Variants in HOXB8 observed in about 807,000 individuals in gnomAD.
The protein encoded by HOXB8 is homeobox protein Hox-B8.
A neutral mutation model predicts 22.2 loss-of-function variants in HOXB8; 17 were observed. That is an observed-to-expected ratio of 0.77 (90% CI 0.53 to 1.15). The LOEUF (loss-of-function observed/expected upper bound fraction) is 1.15, where lower values mean the gene tolerates loss of function less well. Among genes scored for constraint, HOXB8 ranks in the 50% most tolerant of loss-of-function variants. HOXB8 has a pLI of 0.00. For missense variants in HOXB8, 287 were observed against 323.8 expected (o/e 0.89, Z 0.87); for synonymous variants, 156 against 144.6 (o/e 1.08, Z -0.57).
In HOXB8 at chr17:48,615,142, T is replaced by C. The variant is rs916668750; in HGVS notation, c.-438A>G. On this transcript the variant is annotated 5_prime_UTR_variant, in exon 1 of 2. Coordinates refer to ENST00000239144, the MANE Select transcript of HOXB8 (RefSeq NM_024016.4). ...GTTGTTTCATATTTTGCACTGTCTT[T>C]TCATGATCATTTGCATCCATTAGAG... Among the ~76,000 whole-genome samples, 6 of 151,822 alleles carry C rather than the reference T, an allele frequency of 4.0e-5. No individual in the cohort carries two copies. The highest frequency in any genetic ancestry group is 7.4e-5 in the Non-Finnish European group (5 of 67,974).
rs2070660945 is a variant in HOXB8, at chr17:48,612,397, C to A, written c.*805G>T. The A allele has an allele frequency of 6.6e-6, 1 of 152,640 alleles. No individual in the cohort carries two copies. The highest frequency in any genetic ancestry group is 2.4e-5 in the African/African-American group (1 of 41,440). The allele number at this position is 152,640 out of a possible 1,614,324, so 9.5% of individuals were successfully genotyped here. ...GTAACTCTTCCGCCCTTTTCAGGCG[C>A]AGACAACAGAACAAAGTATAGAGGA... On this transcript the variant is annotated 3_prime_UTR_variant, in exon 2 of 2. Coordinates refer to ENST00000239144, the MANE Select transcript of HOXB8 (RefSeq NM_024016.4).
rs778737872 is a variant in HOXB8, at chr17:48,614,406, T to G, written c.299A>C (p.Gln100Pro). 1 of 1,613,524 alleles carries G rather than the reference T, an allele frequency of 6.2e-7. No individual in the cohort carries two copies. Among genetic ancestry groups the G allele is most frequent in the African/African-American group, 1.3e-5 (1 of 74,948 alleles). ...PLQRQSLFGA[Q>P]DPDLVQYADC... Reference sequence around the variant, plus strand: ...TGCGTACTGCACCAGGTCTGGATCCTGCGCACCGAATAGGCTCTGGCGTTG... The same window carrying G: ...TGCGTACTGCACCAGGTCTGGATCCGGCGCACCGAATAGGCTCTGGCGTTG... The change falls in exon 1 of 2, where the codon CAG (glutamine) becomes CCG (proline). Residue 100 changes from glutamine (Q) to proline (P), a missense_variant. This residue lies in a region of HOXB8 where 229 missense variants were observed against 239.8 expected (regional missense o/e 0.95). Transcript: ENST00000239144. The surrounding 1 kb of genome is among the most constrained non-coding windows in gnomAD (Gnocchi z 4.1).
At chr17:48,613,738 GC>G (rs908854807) in intron 1 of HOXB8, among the ~76,000 whole-genome samples, 14 of 152,122 alleles carry the variant, frequency 9.2e-5, no homozygotes, top group South Asian at 8.3e-4. Flanking sequence ...AGAAAGGGGA[GC>G]CCCCTCCCCC....
Position 48,614,149 on chromosome 17 carries a change from A to G in HOXB8, c.424+132T>C. On this transcript the variant is annotated intron_variant, in intron 1 of 1. Transcript: ENST00000239144. The surrounding 1 kb of genome is among the most constrained non-coding windows in gnomAD (Gnocchi z 4.1). ...AAGAAGAAAGAAAGATAAGAAAGAA[A>G]GGGGAAAAGCGGCAGGCGATCGGAA... The G allele has an allele frequency of 1.6e-6, 1 of 637,380 alleles. No individual in the cohort carries two copies. 39.5% of individuals were successfully genotyped at this position (637,380 alleles called of 1,614,324 possible). A position where few individuals can be genotyped will look rare whatever the true frequency, so the allele number is the denominator to read the frequency against.
In HOXB8 at chr17:48,614,990, G is replaced by T. The variant is rs963690079; in HGVS notation, c.-286C>A. The T allele has an allele frequency of 1.1e-5, 3 of 270,336 alleles. No individual in the cohort carries two copies. The highest frequency in any genetic ancestry group is 2.7e-5 in the African/African-American group (1 of 37,646). The allele number at this position is 270,336 out of a possible 1,614,324, so 16.7% of individuals were successfully genotyped here. On this transcript the variant is annotated 5_prime_UTR_variant, in exon 1 of 2. Transcript: ENST00000239144. The surrounding 1 kb of genome is among the most constrained non-coding windows in gnomAD (Gnocchi z 4.1). The stretch of plus-strand genomic sequence containing the variant: ...CTTGCATGGCAGCCGCGGCTCGCTC[G>T]CCCTCCCCCCACCCCCCACCCCCCA...
chr17:48,613,373 C>T lies in HOXB8; in HGVS notation c.561G>A (p.Glu187=), dbSNP rs750924593. ...IEVSHALGLT[E]RQVKIWFQNR... is the part of the protein sequence containing the mutation. ...TCTGGAACCAGATTTTGACCTGTCT[C>T]TCTGTCAGTCCCAGGGCGTGCGATA... Residue 187 remains glutamate (E), a synonymous_variant, in exon 2 of 2, where the codon GAG becomes GAA. Transcript: ENST00000239144. 4 of 1,613,964 alleles carry T rather than the reference C, an allele frequency of 2.5e-6. No homozygotes were observed. Among genetic ancestry groups the T allele is most frequent in the Admixed American group, 1.7e-5 (1 of 60,002 alleles).
rs775725748 is a variant in HOXB8, at chr17:48,613,167, C to A, written c.*35G>T. On this transcript the variant is annotated 3_prime_UTR_variant, in exon 2 of 2. Coordinates refer to ENST00000239144, the MANE Select transcript of HOXB8 (RefSeq NM_024016.4). ...GGCGCGGCCGGGACCCGCGGACGTG[C>A]GGGCGGCCGCGGCCCTGGCAGTCCC... The A allele has an allele frequency of 2.6e-5, 35 of 1,345,144 alleles. No individual in the cohort carries two copies. In the Admixed American group the frequency reaches 7.5e-4, roughly 29 times the overall value. The allele number at this position is 1,345,144 out of a possible 1,614,324, so 83.3% of individuals were successfully genotyped here. A position where few individuals can be genotyped will look rare whatever the true frequency, so the allele number is the denominator to read the frequency against.
intron 1 of HOXB8, 138 bp from the exon 2 acceptor site, chr17:48,613,647 G>A (rs1407667191): frequency 4.9e-6 from 3 of 606,306 alleles, no homozygotes; most frequent in Non-Finnish European, 8.0e-6. Flanking sequence ...CCCGTGCGGG[G>A]GCGGGGGGGG....
intron 1 of HOXB8, 139 bp from the exon 2 acceptor site, chr17:48,613,648 G>GA: frequency 1.7e-6 from 1 of 594,168 alleles, no homozygotes. Flanking sequence ...CCGTGCGGGG[G>GA]CGGGGGGGGC....
chr17:48,614,428 G>T lies in HOXB8; in HGVS notation c.277C>A (p.Arg93Ser), dbSNP rs1383678331. The T allele has an allele frequency of 6.2e-7, 1 of 1,613,954 alleles. No individual in the cohort carries two copies. Among genetic ancestry groups the T allele is most frequent in the Non-Finnish European group, 8.5e-7 (1 of 1,179,912 alleles). Residue 93 changes from arginine to serine, a missense_variant, in exon 1 of 2, where the codon CGC becomes AGC. Arg to Ser is a moderately radical substitution (Grantham distance 110, BLOSUM62 -1). Coordinates refer to ENST00000239144, the MANE Select transcript of HOXB8 (RefSeq NM_024016.4). The surrounding 1 kb of genome is among the most constrained non-coding windows in gnomAD (Gnocchi z 4.1). ...GNFYGYDPLQRQSLFGAQDPD... is the reference protein window; with the variant it reads ...GNFYGYDPLQSQSLFGAQDPD... ...TCCTGCGCACCGAATAGGCTCTGGC[G>T]TTGCAGCGGGTCGTAGCCGTAGAAA...
chr17:48,614,590 C>T lies in HOXB8; in HGVS notation c.115G>A (p.Val39Met), dbSNP rs1047300311. 1.9e-6 allele frequency: 3 copies of T among 1,611,280 alleles called. No homozygotes were observed. Among genetic ancestry groups the T allele is most frequent in the Middle Eastern group, 1.7e-4 (1 of 6,056 alleles). Residue 39 changes from valine to methionine, a missense_variant, in exon 1 of 2, where the codon GTG (valine) becomes ATG (methionine). By Grantham distance (21) the Val-to-Met change is conservative (BLOSUM62 1). This residue lies in a region of HOXB8 where 229 missense variants were observed against 239.8 expected (regional missense o/e 0.95). Coordinates refer to ENST00000239144, the MANE Select transcript of HOXB8 (RefSeq NM_024016.4). This position sits in a 1 kb window ranked among gnomAD's most constrained non-coding sequence, Gnocchi z 4.1. ...AQDLGGRPTV[V>M]YGPSSGGSFQ... The stretch of plus-strand genomic sequence containing the variant: ...CTGCCGCCGCTGCTGGGACCGTACA[C>T]CACGGTGGGTCGGCCGCCCAGGTCC...
Position 48,613,132 on chromosome 17 carries a change from GCGC to G in HOXB8, c.*67_*69del. 1 of 1,097,948 alleles carries G rather than the reference GCGC, an allele frequency of 9.1e-7. No homozygotes were observed. Among genetic ancestry groups the G allele is most frequent in the Non-Finnish European group, 1.1e-6 (1 of 881,184 alleles). 68.0% of individuals were successfully genotyped at this position (1,097,948 alleles called of 1,614,324 possible). ...GGCCAGAGCTCTCTCGGGCAGGGGC[GCGC>G]GGCGGCGGCGCGGCCGGGACCCGCG... is the stretch of plus-strand genomic sequence containing the variant. On this transcript the variant is annotated 3_prime_UTR_variant, in exon 2 of 2. Transcript: ENST00000239144.
Position 48,615,025 on chromosome 17 carries a change from A to C in HOXB8, c.-321T>G. Reference sequence around the variant, plus strand: ...CACCCCCCACCCCCCAAACAAAAATATACCACCACTTAAAGAGGTCCTCGC... The same window carrying C: ...CACCCCCCACCCCCCAAACAAAAATCTACCACCACTTAAAGAGGTCCTCGC... On this transcript the variant is annotated 5_prime_UTR_variant, in exon 1 of 2. Coordinates refer to ENST00000239144, the MANE Select transcript of HOXB8 (RefSeq NM_024016.4). The C allele has an allele frequency of 2.4e-5, 5 of 211,600 alleles. No individual in the cohort carries two copies. The highest frequency in any genetic ancestry group is 1.0e-4 in the East Asian group (1 of 10,024). The allele number at this position is 211,600 out of a possible 1,614,324, so 13.1% of individuals were successfully genotyped here. A position where few individuals can be genotyped will look rare whatever the true frequency, so the allele number is the denominator to read the frequency against.
rs2145000103 is a variant in HOXB8, at chr17:48,613,164, G to C, written c.*38C>G. 1 of 1,339,180 alleles carries C rather than the reference G, an allele frequency of 7.5e-7. No homozygotes were observed. The highest frequency in any genetic ancestry group is 2.3e-5 in the South Asian group (1 of 42,944). 83.0% of individuals were successfully genotyped at this position (1,339,180 alleles called of 1,614,324 possible). A position where few individuals can be genotyped will look rare whatever the true frequency, so the allele number is the denominator to read the frequency against. On this transcript the variant is annotated 3_prime_UTR_variant, in exon 2 of 2. Transcript: ENST00000239144. Reference sequence around the variant, plus strand: ...GGCGGCGCGGCCGGGACCCGCGGACGTGCGGGCGGCCGCGGCCCTGGCAGT... The same window carrying C: ...GGCGGCGCGGCCGGGACCCGCGGACCTGCGGGCGGCCGCGGCCCTGGCAGT...
Position 48,614,306 on chromosome 17 carries a change from C to A in HOXB8, c.399G>T (p.Gln133His). The A allele has an allele frequency of 6.5e-7, 1 of 1,548,050 alleles. No individual in the cohort carries two copies. Among genetic ancestry groups the A allele is most frequent in the Non-Finnish European group, 8.6e-7 (1 of 1,157,710 alleles). ...CTTGCGGGCGCATCCAGGGGAAGAG[C>A]TGTGTGGGCGACGGGCTCTGCTCGG... ...EGSEQSPSPT[Q>H]LFPWMRPQAA... Residue 133 changes from glutamine (Q) to histidine (H), a missense_variant, in exon 1 of 2, where the codon CAG becomes CAT. Transcript: ENST00000239144. The surrounding 1 kb of genome is among the most constrained non-coding windows in gnomAD (Gnocchi z 4.1).
rs1260685238 is a variant in HOXB8 at position 48,612,554 on chromosome 17, C to G, written c.*648G>C. 3 of 152,584 alleles carry G rather than the reference C, an allele frequency of 2.0e-5. No individual in the cohort carries two copies. Among genetic ancestry groups the G allele is most frequent in the African/African-American group, 4.8e-5 (2 of 41,408 alleles). The allele number at this position is 152,584 out of a possible 1,614,324, so 9.5% of individuals were successfully genotyped here. On this transcript the variant is annotated 3_prime_UTR_variant, in exon 2 of 2. Transcript: ENST00000239144. ...CAGCGCGCATGCTAACTAAAGTAACCTCTTTTGAGAAACACTTAAGACAAA... is the reference window on the plus strand; with the variant it reads ...CAGCGCGCATGCTAACTAAAGTAACGTCTTTTGAGAAACACTTAAGACAAA...
In HOXB8 at chr17:48,613,148, G is replaced by A. The variant is rs1484223842; in HGVS notation, c.*54C>T. The A allele has an allele frequency of 1.7e-5, 22 of 1,264,038 alleles. No homozygotes were observed. The highest frequency in any genetic ancestry group is 3.0e-6 in the Non-Finnish European group (3 of 998,372). The allele number at this position is 1,264,038 out of a possible 1,614,324, so 78.3% of individuals were successfully genotyped here. A position where few individuals can be genotyped will look rare whatever the true frequency, so the allele number is the denominator to read the frequency against. The stretch of plus-strand genomic sequence containing the variant: ...GGCAGGGGCGCGCGGCGGCGGCGCG[G>A]CCGGGACCCGCGGACGTGCGGGCGG... On this transcript the variant is annotated 3_prime_UTR_variant, in exon 2 of 2. Coordinates refer to ENST00000239144, the MANE Select transcript of HOXB8 (RefSeq NM_024016.4).
In HOXB8 at chr17:48,614,184, C is replaced by A. The variant is rs914756425; in HGVS notation, c.424+97G>T. Reference sequence around the variant, plus strand: ...CGGCAGGCGATCGGAACGGAGCCGGCAAGTCTTCCAGAAGCTGGAGGAAAT... The same window carrying A: ...CGGCAGGCGATCGGAACGGAGCCGGAAAGTCTTCCAGAAGCTGGAGGAAAT... On this transcript the variant is annotated intron_variant, in intron 1 of 1. Transcript: ENST00000239144. The surrounding 1 kb of genome is among the most constrained non-coding windows in gnomAD (Gnocchi z 4.1). 2 of 986,422 alleles carry A rather than the reference C, an allele frequency of 2.0e-6. No homozygotes were observed. The highest frequency in any genetic ancestry group is 5.7e-5 in the East Asian group (2 of 34,912). The allele number at this position is 986,422 out of a possible 1,614,324, so 61.1% of individuals were successfully genotyped here.
Position 48,614,242 on chromosome 17 carries a change from G to A in HOXB8, c.424+39C>T. 1.1e-6 allele frequency: 1 copy of A among 874,240 alleles called. No individual in the cohort carries two copies. Among genetic ancestry groups the A allele is most frequent in the Admixed American group, 4.5e-5 (1 of 22,424 alleles). The allele number at this position is 874,240 out of a possible 1,614,324, so 54.2% of individuals were successfully genotyped here. ...GGCCTGCCAGGCCTTGGGCCCTTCC[G>A]GCCCCCTCCTGCCCTTGTCGGCCCC... On this transcript the variant is annotated intron_variant, in intron 1 of 1. Transcript: ENST00000239144. This position sits in a 1 kb window ranked among gnomAD's most constrained non-coding sequence, Gnocchi z 4.1.
Sources: allele counts gnomAD v4.1 joint callset (sites outside exome capture counted in the v4.1 genomes callset), GRCh38; gene constraint gnomAD v4.1.1; regional missense constraint gnomAD v4.1.1; non-coding constraint Gnocchi (gnomAD v3.1); transcripts MANE v1.5; gene names NCBI Gene and HGNC (gene_info 2026-07-23, HGNC 2026-07-21).